Variants in MAP4 observed in about 807,000 individuals in gnomAD.
MAP4 encodes microtubule-associated protein 4.
In MAP4, 76 loss-of-function variants were observed where a neutral mutation model predicts 170.2. The ratio of observed to expected loss-of-function variants is 0.45; its 90% confidence interval spans 0.37 to 0.54. The LOEUF (loss-of-function observed/expected upper bound fraction) is 0.54. Among genes scored for constraint, MAP4 ranks in the 20% least tolerant of loss-of-function variants. The pLI is 0.00. For synonymous variants in MAP4, 909 were observed against 994.5 expected (o/e 0.91, Z 1.62); for missense variants, 2,506 against 2,748.0 (o/e 0.91, Z 1.97).
chr3:47,880,456 C>T (rs961164056), intron 10 of MAP4, among the ~76,000 whole-genome samples: 1 of 144,670 alleles, frequency 6.9e-6, no homozygotes, highest in African/African-American at 2.6e-5. Flanking sequence ...TGAAATAATT[C>T]CAATTTCAGT....
intron 3 of MAP4, among the ~76,000 whole-genome samples, chr3:47,971,558 C>T (rs1161769312): frequency 2.0e-5 from 3 of 152,138 alleles, no homozygotes; most frequent in Non-Finnish European, 4.4e-5. Flanking sequence ...ACTCTAATTA[C>T]GATGGAAACA....
chr3:48,021,088 T>C (rs1387150549), upstream of MAP4, among the ~76,000 whole-genome samples: 3 of 152,110 alleles, frequency 2.0e-5, no homozygotes, highest in African/African-American at 7.2e-5. Context: ...ACCTAATCCA[T>C]TCAAGATAAA....
chr3:47,868,077 C>G (rs539009216), intron 16 of MAP4, among the ~76,000 whole-genome samples: 1 of 152,122 alleles, frequency 6.6e-6, no homozygotes, highest in Non-Finnish European at 1.5e-5. Context: ...GATGCCCATG[C>G]GGAAAGAACA....
rs575649391 is a variant in MAP4, at chr3:47,889,051, C to T, written c.5435-11528G>A. Among the ~76,000 whole-genome samples the T allele has an allele frequency of 2.0e-5, 3 of 152,330 alleles. No homozygotes were observed. The East Asian group carries it at 5.8e-4, about 29-fold the overall frequency. On this transcript the variant is annotated intron_variant, in intron 10 of 20. Transcript: ENST00000683076. ...GGTGGTAACAAAGCTGGCCACAGAG[C>T]TCAAACCATGGCAACTCAATGCTAT...
chr3:48,084,951 C>T (rs1452408112), intron 1 of MAP4, among the ~76,000 whole-genome samples: 1 of 151,872 alleles, frequency 6.6e-6, no homozygotes, highest in African/African-American at 2.4e-5. Context: ...AATCCCCCTT[C>T]TTAACCTTAA....
At position 47,909,947 on chromosome 3, in the gene MAP4, T is replaced by A. The variant is rs1443970660; in HGVS notation, c.4474A>T (p.Arg1492Ter). Reference protein sequence around the residue: ...YTKDGVPGQERPKGPSAVVPS... With the variant: ...YTKDGVPGQE ...ACAACAGCAGAGGGACCCTTGGGTC[T>A]TTCTTGACCTGGGACTCCATCTTTG... The change falls in exon 9 of 21, where the codon AGA (arginine) becomes TGA (stop). Residue 1492 changes from arginine to a stop codon, truncating the protein, a stop_gained. Transcript: ENST00000683076. LOFTEE classifies it high-confidence loss of function. The A allele has an allele frequency of 6.2e-7, 1 of 1,614,050 alleles. No homozygotes were observed. Among genetic ancestry groups the A allele is most frequent in the East Asian group, 2.2e-5 (1 of 44,888 alleles).
rs201643728 is a variant in MAP4 at position 47,914,894 on chromosome 3, T to C, written c.1922A>G (p.Glu641Gly). The part of the protein sequence containing the change: ...TGKKCSLPAE[E>G]DSVLEKLGER... ...CCCTAGTTTTTCTAACACAGAATCC[T>C]CCTCGGCCGGCAAGCTGCACTTTTT... The change falls in exon 8 of 21, where the codon GAG (glutamate) becomes GGG (glycine). Residue 641 changes from glutamate (E) to glycine (G), a missense_variant. Transcript: ENST00000683076. The C allele has an allele frequency of 1.3e-4, 209 of 1,614,140 alleles. No homozygotes were observed. Among genetic ancestry groups the C allele is most frequent in the Non-Finnish European group, 1.7e-4 (195 of 1,180,032 alleles).
chr3:47,966,228 C>CTTTTT lies in MAP4; in HGVS notation c.292+11632_292+11636dup, dbSNP rs757460367. 2.0e-3 allele frequency among the ~76,000 whole-genome samples: 99 copies of CTTTTT among 50,258 alleles called. 24 individuals carry two copies. Among genetic ancestry groups the CTTTTT allele is most frequent in the Non-Finnish European group, 3.1e-3 (85 of 27,460 alleles). 33.0% of individuals were successfully genotyped at this position (50,258 alleles called of 152,430 possible). ...AGCTGGGACTACAGGCCCACACTACCTTTTTTTTTTTTTTTTTTTTTTTTT... is the reference window on the plus strand; with the variant it reads ...AGCTGGGACTACAGGCCCACACTACCTTTTTTTTTTTTTTTTTTTTTTTTTTTTTT... On this transcript the variant is annotated intron_variant, in intron 3 of 20. Coordinates refer to ENST00000683076, the MANE Select transcript of MAP4 (RefSeq NM_001385682.1).
intron 10 of MAP4, among the ~76,000 whole-genome samples, chr3:47,901,196 T>C (rs561218403): frequency 8.5e-5 from 13 of 152,334 alleles, no homozygotes; most frequent in Non-Finnish European, 1.6e-4. Flanking sequence ...TTCCATAGGA[T>C]CTAGCTCACA....
intron 10 of MAP4, among the ~76,000 whole-genome samples, chr3:47,899,205 T>TA (rs2100028698): frequency 6.6e-6 from 1 of 152,196 alleles, no homozygotes; most frequent in Non-Finnish European, 1.5e-5. Flanking sequence ...CCAGAAGGAC[T>TA]AAGTCCTAGA....
chr3:48,076,225 A>G (rs1021754391), intron 1 of MAP4, among the ~76,000 whole-genome samples: 17 of 151,860 alleles, frequency 1.1e-4, no homozygotes, highest in African/African-American at 4.1e-4. Flanking sequence ...AGCCGGGCGC[A>G]GTGGCTCACG....
At chr3:47,954,814 G>A (rs2100066692) in intron 3 of MAP4, among the ~76,000 whole-genome samples, 1 of 152,096 alleles carries the variant, frequency 6.6e-6, no homozygotes, top group African/African-American at 2.4e-5. Flanking sequence ...ATAGTACAAT[G>A]GGCCTACTTT....
intron 1 of MAP4, among the ~76,000 whole-genome samples, chr3:48,011,852 C>T (rs1423479498): frequency 6.6e-6 from 1 of 152,112 alleles, no homozygotes; most frequent in Non-Finnish European, 1.5e-5. Context: ...TAGTAGTTAT[C>T]CTTTGGGAGC....
In MAP4 at chr3:47,916,953, T is replaced by A. The variant is rs754307554; in HGVS notation, c.874A>T (p.Met292Leu). Residue 292 changes from methionine (M) to leucine (L), a missense_variant, in exon 7 of 21, where the codon ATG (methionine) becomes TTG (leucine). Transcript: ENST00000683076. ...TKLDVTLAKD[M>L]QPSMESDMAL... is the part of the protein sequence containing the mutation. ...ATATCTGATTCCATGGATGGCTGCA[T>A]GTCCTTGGCCAGTGTCACATCTAAT... 2 of 1,614,264 alleles carry A rather than the reference T, an allele frequency of 1.2e-6. No homozygotes were observed. Among genetic ancestry groups the A allele is most frequent in the Non-Finnish European group, 1.7e-6 (2 of 1,180,038 alleles).
At chr3:47,933,921 G>C (rs1412062229) in intron 3 of MAP4, among the ~76,000 whole-genome samples, 1 of 151,996 alleles carries the variant, frequency 6.6e-6, no homozygotes, top group African/African-American at 2.4e-5. Context: ...AACTTTAAAT[G>C]GCATTTCAAC....
intron 1 of MAP4, among the ~76,000 whole-genome samples, chr3:48,045,984 CTTTT>C (rs59624917): frequency 7.6e-5 from 10 of 130,840 alleles, no homozygotes; most frequent in Non-Finnish European, 9.8e-5. Context: ...TGCATCACTT[CTTTT>C]TTTTTTTTTT....
Position 48,073,163 on chromosome 3 carries a change from T to TTGTG in MAP4, c.-20+15606_-20+15609dup, listed in dbSNP as rs537470586. On this transcript the variant is annotated intron_variant, in intron 1 of 18. Coordinates refer to the MAP4 transcript ENST00000360240. ...AAGCAGAGGTTACAGTGAGCAGAGA[T>TTGTG]TGTGCCACTGCACTCCAGCCTGGGC... Among the ~76,000 whole-genome samples, 204 of 151,092 alleles carry TTGTG rather than the reference T, an allele frequency of 1.4e-3. 3 individuals carry two copies. The South Asian group carries it at 0.04, about 30-fold the overall frequency.
chr3:47,865,269 C>G (rs1289058512), intron 17 of MAP4, among the ~76,000 whole-genome samples: 1 of 152,156 alleles, frequency 6.6e-6, no homozygotes, highest in Non-Finnish European at 1.5e-5. Flanking sequence ...TATGTCTCAC[C>G]TACACAAGTG....
At chr3:47,978,427 C>T (rs898599659) in intron 2 of MAP4, among the ~76,000 whole-genome samples, 2 of 152,174 alleles carry the variant, frequency 1.3e-5, no homozygotes, top group Admixed American at 6.5e-5. Flanking sequence ...GAGTGATTCT[C>T]CTGCCTCAGC....
Sources: allele counts gnomAD v4.1 joint callset (sites outside exome capture counted in the v4.1 genomes callset), GRCh38; gene constraint gnomAD v4.1.1; transcripts MANE v1.5; gene names NCBI Gene and HGNC (gene_info 2026-07-23, HGNC 2026-07-21).